RNF135: variants seen among roughly 807,000 people sequenced by gnomAD.
RNF135 encodes ring finger protein 135, also known as E3 ubiquitin-protein ligase RNF135.
Under a neutral mutation model 41.9 loss-of-function variants are expected in RNF135, and 46 were observed. The ratio of observed to expected loss-of-function variants is 1.10; its 90% CI spans 0.87 to 1.40. The LOEUF (loss-of-function observed/expected upper bound fraction) is 1.40. RNF135 is among the 40% of genes most tolerant of loss of function. The probability of loss-of-function intolerance (pLI) is 0.00; values close to 1 mark genes in which losing one functional copy is unlikely to be tolerated. For missense variants in RNF135, 539 were observed against 549.8 expected (o/e 0.98, Z 0.20); for synonymous variants, 238 against 223.8 (o/e 1.06, Z -0.57).
chr17:30,988,217 T>TA, intron 3 of RNF135, 111 bp downstream of exon 3: 1 of 1,057,426 alleles, frequency 9.5e-7, no homozygotes. Flanking sequence ...CCAGCTGTAT[T>TA]ACCACTGTGG....
rs1403187156 is a variant in RNF135, at chr17:30,997,629, C to T, written c.769+298C>T. The T allele has an allele frequency of 6.3e-6, 3 of 473,758 alleles. No homozygotes were observed. The East Asian group carries it at 1.8e-4, about 29-fold the overall frequency. The allele number at this position is 473,758 out of a possible 1,614,324, so 29.3% of individuals were successfully genotyped here. ...TCTGCATCTGTGCTGTGGCCACCAA[C>T]TATAGCCAACTGCCTCTTCCTAAAC... is the stretch of plus-strand genomic sequence containing the variant. On this transcript the variant is annotated intron_variant, in intron 4 of 4. Coordinates refer to ENST00000328381, the MANE Select transcript of RNF135 (RefSeq NM_032322.4).
At chr17:30,971,716 G>C (rs897611325) in intron 1 of RNF135, 26 of 1,311,946 alleles carry the variant, frequency 2.0e-5, no homozygotes, top group Non-Finnish European at 2.3e-5. Flanking sequence ...ATCGATCTTC[G>C]GTCTCTTTCT....
At chr17:30,983,347 ATATATATT>A (rs1376218951) in intron 1 of RNF135, among the ~76,000 whole-genome samples, 415 of 36,654 alleles carry the variant, frequency 0.011, 3 homozygotes, top group African/African-American at 0.038. Flanking sequence ...ATATATATAT[ATATATATT>A]TTTTTTTTTT....
intron 1 of RNF135, among the ~76,000 whole-genome samples, chr17:30,983,957 G>T (rs1485769060): frequency 6.6e-6 from 1 of 152,048 alleles, no homozygotes; most frequent in Non-Finnish European, 1.5e-5. Context: ...TTGTTTGTGG[G>T]TTTTTGCTTG....
intron 4 of RNF135, 33 bp downstream of exon 4, chr17:30,997,364 G>C (rs775565863): frequency 3.8e-6 from 6 of 1,581,600 alleles, no homozygotes; most frequent in Non-Finnish European, 5.2e-6. Flanking sequence ...ACATGGGTTT[G>C]GCTTGCCGCA....
At position 30,971,163 on chromosome 17, in the gene RNF135, G is replaced by T; in HGVS notation, c.90G>T (p.Trp30Cys). The T allele has an allele frequency of 2.0e-6, 3 of 1,531,578 alleles. No individual in the cohort carries two copies. In the Admixed American group the frequency reaches 5.9e-5, roughly 30 times the overall value. 94.9% of individuals were successfully genotyped at this position (1,531,578 alleles called of 1,614,324 possible). A position where few individuals can be genotyped will look rare whatever the true frequency, so the allele number is the denominator to read the frequency against. ...TCATCTGCCAGGGGCTGCTGGACTG[G>T]CCCGCCACGCTGCCCTGCGGCCACA... The part of the protein sequence containing the change: ...GCIICQGLLD[W>C]PATLPCGHSF... The change falls in exon 1 of 5, where the codon TGG becomes TGT. Residue 30 changes from tryptophan to cysteine, a missense_variant. Physicochemically the swap from Trp to Cys is radical, Grantham distance 215 (BLOSUM62 -2). Transcript: ENST00000328381.
intron 1 of RNF135, 193 bp downstream of exon 1, chr17:30,971,638 A>AT (rs768283045): frequency 3.3e-5 from 45 of 1,351,568 alleles, no homozygotes; most frequent in Non-Finnish European, 4.2e-5. Flanking sequence ...AAAAAAACAA[A>AT]TTCCCCATCT....
intron 1 of RNF135, chr17:30,971,697 T>G (rs1025246455): frequency 7.5e-7 from 1 of 1,326,528 alleles, no homozygotes; most frequent in African/African-American, 1.6e-5. Context: ...ATATTTCAAC[T>G]TCTTCCCAAT....
At chr17:30,964,291 A>C in the RNF135 span, among the ~76,000 whole-genome samples, 3 of 146,256 alleles carry the variant, frequency 2.1e-5, no homozygotes, top group Non-Finnish European at 4.5e-5. Flanking sequence ...TGGGAGGCTG[A>C]GGCAGGAGAA....
intron 3 of RNF135, among the ~76,000 whole-genome samples, chr17:30,994,223 A>C (rs1908185910): frequency 6.6e-6 from 1 of 152,218 alleles, no homozygotes; most frequent in Non-Finnish European, 1.5e-5. Flanking sequence ...CATACAACAT[A>C]AAATTTACTA....
At chr17:30,964,541 T>C in the RNF135 span, among the ~76,000 whole-genome samples, 1,119 of 152,078 alleles carry the variant, frequency 7.4e-3, 16 homozygotes, top group African/African-American at 0.026. Flanking sequence ...GAGGCGGAGT[T>C]TGCAGTGAGG....
intron 3 of RNF135, among the ~76,000 whole-genome samples, chr17:30,989,564 G>A (rs938352862): frequency 6.6e-6 from 1 of 152,180 alleles, no homozygotes; most frequent in Non-Finnish European, 1.5e-5. Context: ...CGTTAGCTCT[G>A]TCTGGTCTCC....
chr17:30,967,189 C>G (rs1905586097), upstream of RNF135, among the ~76,000 whole-genome samples: 2 of 152,044 alleles, frequency 1.3e-5, no homozygotes. Flanking sequence ...CCACCATGCC[C>G]AGCTAATTTT....
At position 30,971,427 on chromosome 17, in the gene RNF135, C is replaced by T; in HGVS notation, c.354C>T (p.Arg118=). Residue 118 remains arginine (R), a synonymous_variant, in exon 1 of 5, where the codon CGC becomes CGT. Transcript: ENST00000328381. Reference sequence around the variant, plus strand: ...CCAGCGCGGCCGCGAGGCCCCGGCGCCGCCCGGAACTGCAGCGGGTAGGGA... The same window carrying T: ...CCAGCGCGGCCGCGAGGCCCCGGCGTCGCCCGGAACTGCAGCGGGTAGGGA... ...SLSSAAARPR[R]RPELQRVAVE... 1 of 1,514,770 alleles carries T rather than the reference C, an allele frequency of 6.6e-7. No homozygotes were observed. The highest frequency in any genetic ancestry group is 8.8e-7 in the Non-Finnish European group (1 of 1,138,866). 93.8% of individuals were successfully genotyped at this position (1,514,770 alleles called of 1,614,324 possible). A position where few individuals can be genotyped will look rare whatever the true frequency, so the allele number is the denominator to read the frequency against.
chr17:30,998,567 C>T (rs1908522914), intron 4 of RNF135, 95 bp from the exon 5 acceptor site: 2 of 1,244,776 alleles, frequency 1.6e-6, no homozygotes. Flanking sequence ...AAACATCACA[C>T]CAAAAGATAC....
At chr17:30,981,471 G>T (rs9915124) in intron 1 of RNF135, among the ~76,000 whole-genome samples, 29,823 of 152,202 alleles carry the variant, frequency 0.2, 9,214 homozygotes, top group African/African-American at 0.66. Flanking sequence ...TATCTTGAAT[G>T]TCTCCGAGTT....
chr17:30,971,341 C>T lies in RNF135; in HGVS notation c.268C>T (p.Arg90Cys), dbSNP rs1905908183. Residue 90 changes from arginine (R) to cysteine (C), a missense_variant, in exon 1 of 5, where the codon CGC (arginine) becomes TGC (cysteine). By Grantham distance (180) the Arg-to-Cys change is radical (BLOSUM62 -3). Around this residue, in one of 2 missense-constraint regions of RNF135, gnomAD observed 277 missense variants for 212.8 expected, o/e 1.30. Transcript: ENST00000328381. ...DLADKYRRAAREIQAGSDPAH... is the reference protein window; with the variant it reads ...DLADKYRRAACEIQAGSDPAH... Reference sequence around the variant, plus strand: ...GGCCGACAAGTACCGCCGCGCCGCACGCGAGATACAGGCGGGCTCCGACCC... The same window carrying T: ...GGCCGACAAGTACCGCCGCGCCGCATGCGAGATACAGGCGGGCTCCGACCC... 6.5e-7 allele frequency: 1 copy of T among 1,533,616 alleles called. No individual in the cohort carries two copies. The highest frequency in any genetic ancestry group is 8.7e-7 in the Non-Finnish European group (1 of 1,143,704).
rs763715431 is a variant in RNF135, at chr17:30,999,322, C to G, written c.*131C>G. On this transcript the variant is annotated 3_prime_UTR_variant, in exon 5 of 5. Coordinates refer to ENST00000328381, the MANE Select transcript of RNF135 (RefSeq NM_032322.4). The stretch of plus-strand genomic sequence containing the variant: ...AGAGATGGGATCTCACTAGGTTGCC[C>G]AGGCTGGTGTCGAATTCCTGGTCTC... 1 of 1,051,276 alleles carries G rather than the reference C, an allele frequency of 9.5e-7. No individual in the cohort carries two copies. Among genetic ancestry groups the G allele is most frequent in the Non-Finnish European group, 1.4e-6 (1 of 713,422 alleles). 65.1% of individuals were successfully genotyped at this position (1,051,276 alleles called of 1,614,324 possible). A position where few individuals can be genotyped will look rare whatever the true frequency, so the allele number is the denominator to read the frequency against.
At chr17:30,971,495 G>C (rs1023775488) in intron 1 of RNF135, 50 bp downstream of exon 1, 1 of 1,439,424 alleles carries the variant, frequency 6.9e-7, no homozygotes, top group Non-Finnish European at 9.0e-7. Context: ...GCTGCCCGCC[G>C]CCTGACCCTT....
Sources: gnomAD v4.1 joint callset for allele counts (sites outside exome capture counted in the v4.1 genomes callset) on GRCh38, gnomAD v4.1.1 for gene constraint, gnomAD v4.1.1 regional missense constraint, MANE v1.5 for transcripts, NCBI Gene and HGNC (gene_info 2026-07-23, HGNC 2026-07-21) for gene names.